Variants in CRPPA observed in about 807,000 individuals in gnomAD.
The protein encoded by CRPPA is D-ribitol-5-phosphate cytidylyltransferase.
In CRPPA, 43 loss-of-function variants were observed where a neutral mutation model predicts 52.0. The ratio of observed to expected loss-of-function variants is 0.83; its 90% confidence interval spans 0.65 to 1.07. CRPPA has a LOEUF of 1.07. Ranked by LOEUF, CRPPA falls within the 50% of genes least tolerant of loss-of-function variation. The pLI is 0.00. For missense variants in CRPPA, 629 were observed against 551.7 expected, an observed-to-expected ratio of 1.14 and a Z score of -1.40; for synonymous variants, 250 against 203.5, an observed-to-expected ratio of 1.23 and a Z score of -1.94.
At chr7:16,411,728 G>A (rs1338919858) in intron 1 of CRPPA, among the ~76,000 whole-genome samples, 3 of 152,078 alleles carry the variant, frequency 2.0e-5, no homozygotes, top group African/African-American at 7.2e-5. Context: ...GCTACTAAAA[G>A]TATTTCATAT....
At chr7:16,228,142 T>C (rs991197748) in intron 8 of CRPPA, among the ~76,000 whole-genome samples, 4 of 151,926 alleles carry the variant, frequency 2.6e-5, no homozygotes, top group South Asian at 4.1e-4. Context: ...TGTATCTTTG[T>C]AGTATATTTT....
rs34795937 is a variant in CRPPA at position 16,209,273 on chromosome 7, C to CTTTTTTTTTTTTTTT, written c.1251+6778_1251+6792dup. 2.9e-4 allele frequency: 36 copies of CTTTTTTTTTTTTTTT among 123,088 alleles called. 1 individual carries two copies. Among genetic ancestry groups the CTTTTTTTTTTTTTTT allele is most frequent in the Non-Finnish European group, 4.1e-4 (23 of 55,880 alleles). The allele number at this position is 123,088 out of a possible 1,614,324, so 7.6% of individuals were successfully genotyped here. On this transcript the variant is annotated intron_variant, in intron 9 of 9. Transcript: ENST00000407010. ...GGCCAAGTAATACGGTTCTAAGTGT[C>CTTTTTTTTTTTTTTT]TTTTTTTTTTTTTTTTTGAGACGAG...
chr7:16,213,256 G>A (rs1782199808), intron 9 of CRPPA, among the ~76,000 whole-genome samples: 1 of 152,106 alleles, frequency 6.6e-6, no homozygotes, highest in South Asian at 2.1e-4. Flanking sequence ...GGATCTTAAT[G>A]ATGACTTGCA....
At position 16,088,414 on chromosome 7, in the gene CRPPA, T is replaced by C. The variant is rs1052710747; in HGVS notation, c.*3281A>G. The C allele has an allele frequency of 1.9e-4, 12 of 62,708 alleles. No individual in the cohort carries two copies. The highest frequency in any genetic ancestry group is 2.6e-3 in the South Asian group (2 of 766). The allele number at this position is 62,708 out of a possible 1,614,324, so 3.9% of individuals were successfully genotyped here. On this transcript the variant is annotated 3_prime_UTR_variant, in exon 10 of 10. Transcript: ENST00000407010. Reference sequence around the variant, plus strand: ...TGTAAAGTTACCTCTGGATCTCTCTTTTTTTTTTTTTTTTTTTTTTTGAGA... The same window carrying C: ...TGTAAAGTTACCTCTGGATCTCTCTCTTTTTTTTTTTTTTTTTTTTTGAGA...
chr7:16,302,553 C>A (rs1784812146), intron 4 of CRPPA, among the ~76,000 whole-genome samples: 1 of 152,026 alleles, frequency 6.6e-6, no homozygotes, highest in Non-Finnish European at 1.5e-5. Flanking sequence ...ATTCAAGCAC[C>A]TAGATATTTA....
rs948942437 is a variant in CRPPA, at chr7:16,363,426, C to A, written c.684+12666G>T. On this transcript the variant is annotated intron_variant, in intron 3 of 9. Coordinates refer to ENST00000407010, the MANE Select transcript of CRPPA (RefSeq NM_001101426.4). ...GCTAGCAGTATTCACCCCAGAATCA[C>A]AAAGATAGCATTATAGACTTACTGA... Among the ~76,000 whole-genome samples, 4 of 152,202 alleles carry A rather than the reference C, an allele frequency of 2.6e-5. No individual in the cohort carries two copies. In the East Asian group the frequency reaches 7.7e-4, roughly 29 times the overall value.
chr7:16,249,117 C>A (rs191810811), intron 8 of CRPPA, among the ~76,000 whole-genome samples: 1 of 152,316 alleles, frequency 6.6e-6, no homozygotes, highest in Non-Finnish European at 1.5e-5. Context: ...GTGGTTCGAA[C>A]TGGATGCAAC....
At chr7:16,155,274 T>G (rs921349503) in intron 9 of CRPPA, among the ~76,000 whole-genome samples, 1 of 152,234 alleles carries the variant, frequency 6.6e-6, no homozygotes, top group Admixed American at 6.5e-5. Flanking sequence ...CAAAAATTTC[T>G]GCATATCATA....
At chr7:16,400,168 A>G (rs1470384899) in intron 2 of CRPPA, among the ~76,000 whole-genome samples, 1 of 151,988 alleles carries the variant, frequency 6.6e-6, no homozygotes, top group Non-Finnish European at 1.5e-5. Flanking sequence ...TGACGTGATG[A>G]CACGTTTGTG....
chr7:16,135,335 G>A (rs1782743862), intron 9 of CRPPA, among the ~76,000 whole-genome samples: 2 of 152,112 alleles, frequency 1.3e-5, no homozygotes, highest in African/African-American at 4.8e-5. Context: ...ATGTTTTGTG[G>A]TTAGGTAAGA....
intron 9 of CRPPA, among the ~76,000 whole-genome samples, chr7:16,187,336 A>C (rs2128389411): frequency 6.6e-6 from 1 of 152,266 alleles, no homozygotes; most frequent in Non-Finnish European, 1.5e-5. Flanking sequence ...TCTGTTCCTA[A>C]AACTTGAATA....
At chr7:16,420,948 T>A (rs1788317419) in intron 1 of CRPPA, 118 bp downstream of exon 1, 2 of 918,564 alleles carry the variant, frequency 2.2e-6, no homozygotes, top group East Asian at 6.6e-5. Flanking sequence ...CAAGCTTGAA[T>A]AACTGAGCGC....
chr7:16,206,847 C>G (rs1488776188), intron 9 of CRPPA, among the ~76,000 whole-genome samples: 2 of 151,946 alleles, frequency 1.3e-5, no homozygotes, highest in African/African-American at 4.8e-5. Context: ...ATTATTAAAC[C>G]AACTCATTTC....
chr7:16,254,780 A>T (rs62440444), intron 8 of CRPPA, among the ~76,000 whole-genome samples: 8 of 127,878 alleles, frequency 6.3e-5, no homozygotes, highest in African/African-American at 2.4e-4. Context: ...ACAGAAAGAA[A>T]GAAAGAAAGA....
chr7:16,406,121 C>G lies in CRPPA; in HGVS notation c.474G>C (p.Val158=). The change falls in exon 2 of 10, where the codon GTG becomes GTC. Residue 158 remains valine (V), a synonymous_variant. Transcript: ENST00000407010. ...KPEVVIIHDA[V]RPFVEEGVLL... is the part of the protein sequence containing the mutation. ...GGACACCTTCCTCAACAAATGGTCT[C>G]ACAGCATCATGGATAATCACTACTT... 1 of 1,613,892 alleles carries G rather than the reference C, an allele frequency of 6.2e-7. No individual in the cohort carries two copies. Among genetic ancestry groups the G allele is most frequent in the Non-Finnish European group, 8.5e-7 (1 of 1,179,862 alleles).
At chr7:16,112,784 A>G (rs10247264) in intron 9 of CRPPA, among the ~76,000 whole-genome samples, 2,148 of 152,102 alleles carry the variant, frequency 0.014, 46 homozygotes, top group African/African-American at 0.049. Flanking sequence ...CAGGGAGAAG[A>G]ATGGGAACTC....
chr7:16,275,084 T>A (rs1173158119), intron 6 of CRPPA, among the ~76,000 whole-genome samples: 1 of 151,344 alleles, frequency 6.6e-6, no homozygotes, highest in African/African-American at 2.4e-5. Flanking sequence ...TAAAAAAAAA[T>A]AATATTAGTG....
chr7:16,183,624 A>G (rs895286015), intron 9 of CRPPA, among the ~76,000 whole-genome samples: 9 of 152,004 alleles, frequency 5.9e-5, no homozygotes, highest in Non-Finnish European at 1.2e-4. Context: ...GACTCTGGAC[A>G]CTCTAGTGTT....
At chr7:16,364,127 G>C (rs1329519475) in intron 3 of CRPPA, among the ~76,000 whole-genome samples, 1 of 152,036 alleles carries the variant, frequency 6.6e-6, no homozygotes, top group Non-Finnish European at 1.5e-5. Flanking sequence ...ATAATTATTG[G>C]AATACAGCCT....
Sources: allele counts gnomAD v4.1 joint callset (sites outside exome capture counted in the v4.1 genomes callset), GRCh38; gene constraint gnomAD v4.1.1; transcripts MANE v1.5; gene names NCBI Gene and HGNC (gene_info 2026-07-23, HGNC 2026-07-21).